TLK1: variants seen among roughly 807,000 people sequenced by gnomAD.
TLK1 encodes serine/threonine-protein kinase tousled-like 1.
A neutral mutation model predicts 105.3 loss-of-function variants in TLK1; 24 were observed. The observed-to-expected ratio is 0.23, with a 90% confidence interval of 0.17 to 0.32. TLK1 has a LOEUF of 0.32. Ranked by LOEUF, TLK1 falls within the 10% of genes least tolerant of loss-of-function variation. The pLI, the probability that TLK1 is intolerant of heterozygous loss-of-function variation, is 1.00. For synonymous variants in TLK1, 321 were observed against 310.4 expected, an observed-to-expected ratio of 1.03 and a Z score of -0.36; for missense variants, 558 against 910.5, an observed-to-expected ratio of 0.61 and a Z score of 4.98.
At chr2:171,215,084 G>C (rs1312636773) in intron 1 of TLK1, among the ~76,000 whole-genome samples, 2 of 152,122 alleles carry the variant, frequency 1.3e-5, no homozygotes, top group African/African-American at 2.4e-5. Flanking sequence ...GGGACTACAG[G>C]TTGGCAACAC....
chr2:171,002,266 T>C (rs1289283247), intron 18 of TLK1, among the ~76,000 whole-genome samples: 1 of 152,142 alleles, frequency 6.6e-6, no homozygotes, highest in Non-Finnish European at 1.5e-5. Context: ...TTTTTCTTTT[T>C]TTTTACTTTT....
chr2:171,039,555 A>G (rs1481166126), intron 11 of TLK1, among the ~76,000 whole-genome samples: 1 of 152,050 alleles, frequency 6.6e-6, no homozygotes, highest in Non-Finnish European at 1.5e-5. Flanking sequence ...ACCACACCCA[A>G]CCTCAATGAG....
intron 1 of TLK1, among the ~76,000 whole-genome samples, chr2:171,191,254 T>C (rs927733677): frequency 6.6e-6 from 1 of 152,108 alleles, no homozygotes. Context: ...GATCTGCCCT[T>C]ATGGCTCAAG....
chr2:171,204,947 C>T (rs527554106), intron 1 of TLK1, among the ~76,000 whole-genome samples: 5 of 129,096 alleles, frequency 3.9e-5, no homozygotes, highest in Non-Finnish European at 3.2e-5. Flanking sequence ...AGTGAGACTC[C>T]GTCTCAAAAA....
chr2:171,165,324 G>T (rs1255809814), upstream of TLK1, among the ~76,000 whole-genome samples: 1 of 152,176 alleles, frequency 6.6e-6, no homozygotes, highest in African/African-American at 2.4e-5. Flanking sequence ...AATGAATGAT[G>T]ACGATCAATG....
intron 7 of TLK1, chr2:171,054,526 G>T (rs1215341849): frequency 1.3e-5 from 2 of 152,262 alleles, no homozygotes; most frequent in Non-Finnish European, 2.9e-5. Flanking sequence ...GTTTGGATAT[G>T]ACCTCACAAA....
chr2:171,056,424 A>C, intron 6 of TLK1, 47 bp downstream of exon 6: 1 of 1,514,282 alleles, frequency 6.6e-7, no homozygotes, highest in Non-Finnish European at 9.2e-7. Flanking sequence ...TTCAGTGTAC[A>C]TAACCCTCCC....
intron 3 of TLK1, among the ~76,000 whole-genome samples, chr2:171,064,931 A>G (rs1687917985): frequency 6.6e-6 from 1 of 152,222 alleles, no homozygotes. Flanking sequence ...GTGTAGTGAT[A>G]TAATTTAACT....
chr2:171,210,165 T>C (rs910570725), intron 1 of TLK1, among the ~76,000 whole-genome samples: 2 of 152,224 alleles, frequency 1.3e-5, no homozygotes, highest in African/African-American at 4.8e-5. Flanking sequence ...TGATTATTTT[T>C]AGATGAATAG....
At chr2:171,087,889 A>G (rs2105484586) in intron 2 of TLK1, among the ~76,000 whole-genome samples, 1 of 152,332 alleles carries the variant, frequency 6.6e-6, no homozygotes, top group Non-Finnish European at 1.5e-5. Flanking sequence ...AGTCTACACT[A>G]AAGAGACCCT....
chr2:171,219,384 T>C (rs2105329833), intron 1 of TLK1, among the ~76,000 whole-genome samples: 1 of 152,336 alleles, frequency 6.6e-6, no homozygotes, highest in South Asian at 2.1e-4. Flanking sequence ...TGTCTCTCTC[T>C]GTCTTAGTTC....
At chr2:170,999,487 A>G (rs937755563) in intron 18 of TLK1, among the ~76,000 whole-genome samples, 1 of 152,254 alleles carries the variant, frequency 6.6e-6, no homozygotes, top group African/African-American at 2.4e-5. Context: ...CACAAGGTGT[A>G]TGTATGCAAG....
chr2:171,155,837 C>T (rs986802867), intron 1 of TLK1: 1 of 152,184 alleles, frequency 6.6e-6, no homozygotes, highest in Non-Finnish European at 1.5e-5. Flanking sequence ...ACCTCAATGT[C>T]TTCCTAATTT....
Position 171,117,780 on chromosome 2 carries a change from C to T in TLK1, c.217G>A (p.Gly73Arg). ...LEARFTGVAS[G>R]STGSTGSCSV... is the part of the protein sequence containing the mutation. ...CAACTGCCCGTACTTCCAGTGCTCCCACTTGCAACTCCAGTAAATCTAGCT... is the reference window on the plus strand; with the variant it reads ...CAACTGCCCGTACTTCCAGTGCTCCTACTTGCAACTCCAGTAAATCTAGCT... The change falls in exon 2 of 21, where the codon GGG (glycine) becomes AGG (arginine). Residue 73 changes from glycine to arginine, a missense_variant. Physicochemically the swap from Gly to Arg is moderately radical, Grantham distance 125. Transcript: ENST00000431350. 6.2e-7 allele frequency: 1 copy of T among 1,613,964 alleles called. No homozygotes were observed. Among genetic ancestry groups the T allele is most frequent in the Non-Finnish European group, 8.5e-7 (1 of 1,179,970 alleles).
chr2:171,108,306 T>C (rs1360855534), intron 2 of TLK1, among the ~76,000 whole-genome samples: 5 of 152,158 alleles, frequency 3.3e-5, no homozygotes, highest in African/African-American at 1.2e-4. Flanking sequence ...GAATGCAGTT[T>C]GAGAGAGCAT....
chr2:171,167,247 C>G (rs1369040845), intron 1 of TLK1, among the ~76,000 whole-genome samples: 1 of 152,214 alleles, frequency 6.6e-6, no homozygotes, highest in African/African-American at 2.4e-5. Flanking sequence ...TATTACATTA[C>G]AAATGTTGAA....
chr2:171,009,199 C>G (rs1443619439), intron 14 of TLK1, among the ~76,000 whole-genome samples: 4 of 150,734 alleles, frequency 2.7e-5, no homozygotes, highest in Admixed American at 2.0e-4. Flanking sequence ...AACTGAAGTT[C>G]TCTTAACTCA....
At position 171,062,492 on chromosome 2, in the gene TLK1, A is replaced by G. The variant is rs978212390; in HGVS notation, c.331-1336T>C. ...CTCCCACCTCCATTTTGCCAACAAG[A>G]TAACAGATTCAGAGAAATTGGACCA... is the stretch of plus-strand genomic sequence containing the variant. On this transcript the variant is annotated intron_variant, in intron 3 of 20. Transcript: ENST00000431350. Among the ~76,000 whole-genome samples, 6 of 152,206 alleles carry G rather than the reference A, an allele frequency of 3.9e-5. No individual in the cohort carries two copies. In the East Asian group the frequency reaches 5.8e-4, roughly 15 times the overall value.
intron 2 of TLK1, among the ~76,000 whole-genome samples, chr2:171,106,323 A>G (rs13402107): frequency 0.4 from 60,545 of 152,038 alleles, 13,649 homozygotes; most frequent in African/African-American, 0.6. Context: ...TCTTCAAATA[A>G]CTGGAAGAGC....
Sources: allele counts gnomAD v4.1 joint callset (sites outside exome capture counted in the v4.1 genomes callset), GRCh38; gene constraint gnomAD v4.1.1; transcripts MANE v1.5; gene names NCBI Gene and HGNC (gene_info 2026-07-23, HGNC 2026-07-21).